Variants in TNFRSF11B observed in about 807,000 individuals in gnomAD.
TNFRSF11B encodes tumor necrosis factor receptor superfamily member 11B.
In TNFRSF11B, 16 loss-of-function variants were observed where a neutral mutation model predicts 43.4. The ratio of observed to expected loss-of-function variants is 0.37; its 90% CI spans 0.25 to 0.56. TNFRSF11B has a LOEUF of 0.56. TNFRSF11B is among the 20% of genes least tolerant of loss of function. The pLI, the probability that TNFRSF11B is intolerant of heterozygous loss-of-function variation, is 0.80. For missense variants in TNFRSF11B, 444 were observed against 490.1 expected (o/e 0.91, Z 0.89); for synonymous variants, 185 against 181.8 (o/e 1.02, Z -0.14).
intron 1 of TNFRSF11B, among the ~76,000 whole-genome samples, chr8:118,940,777 A>T (rs1261781812): frequency 6.6e-6 from 1 of 152,188 alleles, no homozygotes; most frequent in Non-Finnish European, 1.5e-5. Context: ...CACCTTGGAC[A>T]TGTTGATAAA....
chr8:118,946,485 CA>C (rs1280549637), intron 1 of TNFRSF11B, among the ~76,000 whole-genome samples: 4 of 152,132 alleles, frequency 2.6e-5, no homozygotes, highest in African/African-American at 4.8e-5. Context: ...GTATCTATTT[CA>C]AGTTGGCCAT....
chr8:118,924,780 C>A lies in TNFRSF11B; in HGVS notation c.818-18G>T, dbSNP rs776692825. 1 of 1,613,860 alleles carries A rather than the reference C, an allele frequency of 6.2e-7. No homozygotes were observed. Among genetic ancestry groups the A allele is most frequent in the South Asian group, 1.1e-5 (1 of 91,074 alleles). On this transcript the variant is annotated intron_variant, in intron 4 of 4. Transcript: ENST00000297350. ...GTCAATATCTGCATAAAGCAAAAGC[C>A]CAGATAAGTGTTCACATCATTTATA...
intron 1 of TNFRSF11B, 107 bp downstream of exon 1, chr8:118,951,685 G>A (rs904433732): frequency 1.1e-5 from 12 of 1,101,650 alleles, no homozygotes; most frequent in Middle Eastern, 2.0e-4. Context: ...TCTCCTGGGA[G>A]GGAGCGAGTG....
intron 2 of TNFRSF11B, among the ~76,000 whole-genome samples, chr8:118,929,794 T>TC (rs1391107791): frequency 6.6e-6 from 1 of 152,234 alleles, no homozygotes; most frequent in Non-Finnish European, 1.5e-5. Context: ...AATATCTCCA[T>TC]CTAGTGTAAG....
chr8:118,938,854 C>A (rs1812439882), intron 1 of TNFRSF11B, among the ~76,000 whole-genome samples: 1 of 152,202 alleles, frequency 6.6e-6, no homozygotes, highest in Non-Finnish European at 1.5e-5. Flanking sequence ...TTGCATTATG[C>A]AATGCAGCCA....
chr8:118,940,118 G>A (rs1812463903), intron 1 of TNFRSF11B, among the ~76,000 whole-genome samples: 1 of 152,084 alleles, frequency 6.6e-6, no homozygotes, highest in Admixed American at 6.6e-5. Context: ...CTCATAGGTG[G>A]GAATTGAACA....
intron 1 of TNFRSF11B, among the ~76,000 whole-genome samples, chr8:118,942,973 T>A (rs1015771636): frequency 6.6e-6 from 1 of 152,032 alleles, no homozygotes; most frequent in Non-Finnish European, 1.5e-5. Flanking sequence ...ACCCACCTAT[T>A]CATCCATCCA....
intron 1 of TNFRSF11B, among the ~76,000 whole-genome samples, chr8:118,935,029 G>A (rs530018104): frequency 2.0e-5 from 3 of 152,274 alleles, no homozygotes; most frequent in African/African-American, 7.2e-5. Context: ...TCCGGTCATT[G>A]ACCTCTTCAC....
intron 1 of TNFRSF11B, among the ~76,000 whole-genome samples, chr8:118,935,868 C>T (rs948682917): frequency 6.6e-6 from 1 of 152,092 alleles, no homozygotes; most frequent in Non-Finnish European, 1.5e-5. Flanking sequence ...AGGTAGGAGT[C>T]CTGAAGTTTT....
In TNFRSF11B at chr8:118,924,275, G is replaced by T; in HGVS notation, c.*99C>A. 1.4e-6 allele frequency: 2 copies of T among 1,424,672 alleles called. No homozygotes were observed. The highest frequency in any genetic ancestry group is 9.8e-7 in the Non-Finnish European group (1 of 1,017,406). The allele number at this position is 1,424,672 out of a possible 1,614,324, so 88.3% of individuals were successfully genotyped here. On this transcript the variant is annotated 3_prime_UTR_variant, in exon 5 of 5. Transcript: ENST00000297350. Reference sequence around the variant, plus strand: ...TGTGGCAAAATTAGTCACTGGTAATGAGAAAGATATCACTGAAAGCCTCAA... The same window carrying T: ...TGTGGCAAAATTAGTCACTGGTAATTAGAAAGATATCACTGAAAGCCTCAA...
At chr8:118,947,488 G>C (rs371072433) in intron 1 of TNFRSF11B, among the ~76,000 whole-genome samples, 19 of 152,182 alleles carry the variant, frequency 1.2e-4, no homozygotes, top group African/African-American at 4.6e-4. Context: ...GGAATCTGTG[G>C]GGGCATTTCT....
chr8:118,946,537 C>T (rs773637850), intron 1 of TNFRSF11B, among the ~76,000 whole-genome samples: 1 of 152,112 alleles, frequency 6.6e-6, no homozygotes, highest in Non-Finnish European at 1.5e-5. Flanking sequence ...TACGGATGTT[C>T]CTAGGATTTC....
chr8:118,928,957 C>T, intron 2 of TNFRSF11B, 28 bp from the exon 3 acceptor site: 1 of 1,608,986 alleles, frequency 6.2e-7, no homozygotes. Flanking sequence ...CAATTTAGTA[C>T]CTTCTCCTCA....
chr8:118,924,248 C>A lies in TNFRSF11B; in HGVS notation c.*126G>T. 1 of 1,099,604 alleles carries A rather than the reference C, an allele frequency of 9.1e-7. No homozygotes were observed. The allele number at this position is 1,099,604 out of a possible 1,614,324, so 68.1% of individuals were successfully genotyped here. A position where few individuals can be genotyped will look rare whatever the true frequency, so the allele number is the denominator to read the frequency against. ...TCCACATCATAGTTTCTTTTAGTAC[C>A]CTGTGGCAAAATTAGTCACTGGTAA... On this transcript the variant is annotated 3_prime_UTR_variant, in exon 5 of 5. Transcript: ENST00000297350.
At chr8:118,937,701 C>A (rs939870374) in intron 1 of TNFRSF11B, among the ~76,000 whole-genome samples, 12 of 152,018 alleles carry the variant, frequency 7.9e-5, no homozygotes, top group African/African-American at 2.9e-4. Context: ...GAAAAAACAA[C>A]CTACTGCAGA....
intron 1 of TNFRSF11B, among the ~76,000 whole-genome samples, chr8:118,933,703 T>A (rs1812359464): frequency 3.9e-5 from 6 of 152,200 alleles, no homozygotes; most frequent in Admixed American, 3.9e-4. Context: ...AAATATAGAT[T>A]CCTGGGATTC....
At chr8:118,926,844 A>G (rs1812251990) in intron 3 of TNFRSF11B, 126 bp from the exon 4 acceptor site, 1 of 978,732 alleles carries the variant, frequency 1.0e-6, no homozygotes, top group Non-Finnish European at 1.6e-6. Flanking sequence ...GCTAAAATGC[A>G]AAGTTTGAAT....
chr8:118,942,316 T>C (rs1812498178), intron 1 of TNFRSF11B, among the ~76,000 whole-genome samples: 1 of 148,980 alleles, frequency 6.7e-6, no homozygotes, highest in Non-Finnish European at 1.5e-5. Context: ...TTTCTACAGT[T>C]GCTTTTCTTT....
At chr8:118,941,924 G>A (rs1375147221) in intron 1 of TNFRSF11B, among the ~76,000 whole-genome samples, 1 of 152,104 alleles carries the variant, frequency 6.6e-6, no homozygotes, top group Non-Finnish European at 1.5e-5. Flanking sequence ...CAGCAGGGAT[G>A]GCCGAATTTT....
Sources: allele counts gnomAD v4.1 joint callset (sites outside exome capture counted in the v4.1 genomes callset), GRCh38; gene constraint gnomAD v4.1.1; transcripts MANE v1.5; gene names NCBI Gene and HGNC (gene_info 2026-07-23, HGNC 2026-07-21).